The following MGAT5B variants were observed in gnomAD, a reference collection of about 807,000 sequenced individuals.
MGAT5B encodes the protein N-acetylglucosaminyl-transferase Vb.
A neutral mutation model predicts 95.1 loss-of-function variants in MGAT5B; 54 were observed. The observed-to-expected ratio is 0.57, with a 90% CI of 0.46 to 0.71. The LOEUF (loss-of-function observed/expected upper bound fraction) is 0.71, where lower values mean the gene tolerates loss of function less well. Among genes scored for constraint, MGAT5B ranks in the 30% least tolerant of loss-of-function variants. MGAT5B has a pLI of 0.00. For missense variants in MGAT5B, 935 were observed against 1,088.6 expected, an observed-to-expected ratio of 0.86 and a Z score of 1.99; for synonymous variants, 464 against 451.0, an observed-to-expected ratio of 1.03 and a Z score of -0.36.
chr17:76,938,433 A>G lies in MGAT5B; in HGVS notation c.1584+290A>G, dbSNP rs1176241624. Reference sequence around the variant, plus strand: ...GACTGCCCATCCTCCCCCTTGCAGTACCAGTCCAGCCAAATGGACTCCTGG... The same window carrying G: ...GACTGCCCATCCTCCCCCTTGCAGTGCCAGTCCAGCCAAATGGACTCCTGG... On this transcript the variant is annotated intron_variant, in intron 13 of 17. Transcript: ENST00000569840. This position sits in a 1 kb window ranked among gnomAD's most constrained non-coding sequence, Gnocchi z 4.3. 1.3e-5 allele frequency among the ~76,000 whole-genome samples: 2 copies of G among 152,214 alleles called. No individual in the cohort carries two copies. Among genetic ancestry groups the G allele is most frequent in the Admixed American group, 1.3e-4 (2 of 15,282 alleles).
At chr17:76,934,029 C>G (rs1023369204) in intron 12 of MGAT5B, among the ~76,000 whole-genome samples, 2 of 152,204 alleles carry the variant, frequency 1.3e-5, no homozygotes, top group African/African-American at 4.8e-5. Context: ...ATGCCCACTT[C>G]CAGGGGATGC....
At position 76,935,918 on chromosome 17, in the gene MGAT5B, A is replaced by G. The variant is rs1196414638; in HGVS notation, c.1429-2070A>G. On this transcript the variant is annotated intron_variant, in intron 12 of 17. Transcript: ENST00000569840. ...ATTATATATACATTATATATATTAT[A>G]TATTATATAATTATATATACTATAT... is the stretch of plus-strand genomic sequence containing the variant. 2.1e-5 allele frequency among the ~76,000 whole-genome samples: 3 copies of G among 140,574 alleles called. No individual in the cohort carries two copies. In the East Asian group the frequency reaches 5.9e-4, roughly 27 times the overall value. 92.2% of individuals were successfully genotyped at this position (140,574 alleles called of 152,430 possible).
chr17:76,905,380 G>A lies in MGAT5B; in HGVS notation c.855+47G>A. 1 of 1,500,916 alleles carries A rather than the reference G, an allele frequency of 6.7e-7. No individual in the cohort carries two copies. Among genetic ancestry groups the A allele is most frequent in the Non-Finnish European group, 8.9e-7 (1 of 1,118,244 alleles). 93.0% of individuals were successfully genotyped at this position (1,500,916 alleles called of 1,614,324 possible). A position where few individuals can be genotyped will look rare whatever the true frequency, so the allele number is the denominator to read the frequency against. ...ATGTGCAGGAGCTGAGAAAGCTCAG[G>A]GCCCCCACTTCTGAGTGGGCATGGA... On this transcript the variant is annotated intron_variant, in intron 7 of 17. Transcript: ENST00000569840. This position sits in a 1 kb window ranked among gnomAD's most constrained non-coding sequence, Gnocchi z 4.2.
chr17:76,875,864 G>A (rs367590360), intron 2 of MGAT5B, among the ~76,000 whole-genome samples: 4 of 151,816 alleles, frequency 2.6e-5, no homozygotes, highest in East Asian at 1.9e-4. Flanking sequence ...GAGATTCTAC[G>A]TGTTGTAACA....
intron 4 of MGAT5B, 65 bp downstream of exon 4, chr17:76,902,735 G>T: frequency 1.5e-5 from 12 of 821,406 alleles, no homozygotes; most frequent in Non-Finnish European, 2.3e-5. Context: ...TGCTGGGTGG[G>T]CCCTGGGAGG....
intron 3 of MGAT5B, 71 bp downstream of exon 3, chr17:76,882,369 G>A: frequency 6.6e-7 from 1 of 1,503,836 alleles, no homozygotes; most frequent in Non-Finnish European, 8.9e-7. Context: ...CCGGGGTGCT[G>A]TCCGTCATCT....
chr17:76,895,320 T>C (rs1363594467), intron 3 of MGAT5B, among the ~76,000 whole-genome samples: 1 of 152,008 alleles, frequency 6.6e-6, no homozygotes, highest in Non-Finnish European at 1.5e-5. Context: ...AGTTGTATAA[T>C]TATTTCATAA....
chr17:76,902,571 G>T lies in MGAT5B; in HGVS notation c.346G>T (p.Gly116Cys). ...CCCACTTAGGATGCCCCCTGGGGCC[G>T]GCCTCATGGAGCGGATCCAGGCTAT... is the stretch of plus-strand genomic sequence containing the variant. ...FPADRMPPGA[G>C]LMERIQAIAQ... The change falls in exon 4 of 18, where the codon GGC becomes TGC. Residue 116 changes from glycine to cysteine, a missense_variant. Physicochemically the swap from Gly to Cys is radical, Grantham distance 159. Around this residue, in one of 4 missense-constraint regions of MGAT5B, gnomAD observed 243 missense variants for 228.2 expected, o/e 1.06. Coordinates refer to ENST00000569840, the MANE Select transcript of MGAT5B (RefSeq NM_001199172.2). 1 of 1,596,426 alleles carries T rather than the reference G, an allele frequency of 6.3e-7. No individual in the cohort carries two copies. Among genetic ancestry groups the T allele is most frequent in the Non-Finnish European group, 8.5e-7 (1 of 1,170,896 alleles).
chr17:76,933,183 G>A, intron 11 of MGAT5B, 109 bp from the exon 12 acceptor site: 1 of 1,395,302 alleles, frequency 7.2e-7, no homozygotes, highest in South Asian at 1.2e-5. Context: ...CCCATCTTCA[G>A]GGTTGGGGGC....
In MGAT5B at chr17:76,922,412, C is replaced by G. The variant is rs946031093; in HGVS notation, c.1026-2554C>G. Among the ~76,000 whole-genome samples the G allele has an allele frequency of 6.6e-5, 10 of 152,190 alleles. No individual in the cohort carries two copies. The East Asian group carries it at 1.9e-3, about 29-fold the overall frequency. ...GGTTGGGGAGGTGAGGAAGAGGGGA[C>G]TTCTGGAGCCCCAGGGCAAACAAAT... On this transcript the variant is annotated intron_variant, in intron 8 of 17. Coordinates refer to ENST00000569840, the MANE Select transcript of MGAT5B (RefSeq NM_001199172.2).
At chr17:76,939,441 G>A (rs1567824903) in intron 13 of MGAT5B, among the ~76,000 whole-genome samples, 1 of 152,128 alleles carries the variant, frequency 6.6e-6, no homozygotes, top group South Asian at 2.1e-4. Flanking sequence ...TTGAACCCGG[G>A]AGGCAGAGGT....
At chr17:76,943,039 C>CCCACT (rs1969912682) in intron 15 of MGAT5B, among the ~76,000 whole-genome samples, 1 of 151,854 alleles carries the variant, frequency 6.6e-6, no homozygotes, top group Non-Finnish European at 1.5e-5. Flanking sequence ...AACTTGCCCC[C>CCCACT]CCGGGAGGCC....
intron 17 of MGAT5B, among the ~76,000 whole-genome samples, chr17:76,948,380 T>C (rs1014161501): frequency 3.9e-5 from 6 of 152,166 alleles, no homozygotes; most frequent in Admixed American, 3.9e-4. Flanking sequence ...TCCCAGACCA[T>C]GAAAGCTGTC....
intron 4 of MGAT5B, among the ~76,000 whole-genome samples, chr17:76,903,062 C>T (rs2058438845): frequency 6.6e-6 from 1 of 152,156 alleles, no homozygotes; most frequent in African/African-American, 2.4e-5. Context: ...ATGAGGTCTG[C>T]CCATCCAGGC....
rs1182472906 is a variant in MGAT5B at position 76,869,274 on chromosome 17, G to A, written c.68+177G>A. The stretch of plus-strand genomic sequence containing the variant: ...CGGATGGCGTTGGGGTTCGGGGTGC[G>A]GATGGGGAGGGTTGTGTTATTCGGG... On this transcript the variant is annotated intron_variant, in intron 1 of 17. Coordinates refer to ENST00000569840, the MANE Select transcript of MGAT5B (RefSeq NM_001199172.2). This position sits in a 1 kb window ranked among gnomAD's most constrained non-coding sequence, Gnocchi z 7.0. 2.6e-5 allele frequency among the ~76,000 whole-genome samples: 4 copies of A among 152,026 alleles called. No homozygotes were observed. The highest frequency in any genetic ancestry group is 9.7e-5 in the African/African-American group (4 of 41,418).
chr17:76,935,888 ATATAATTAT>A (rs1213849254), intron 12 of MGAT5B, among the ~76,000 whole-genome samples: 2,507 of 54,834 alleles, frequency 0.046, 41 homozygotes, highest in Non-Finnish European at 0.081. Context: ...ATTATATATT[ATATAATTAT>A]ATATACATTA....
chr17:76,934,276 C>T (rs1269895549), intron 12 of MGAT5B, among the ~76,000 whole-genome samples: 2 of 152,136 alleles, frequency 1.3e-5, no homozygotes. Context: ...GTGATCCTGC[C>T]CACTCTATAA....
Position 76,912,709 on chromosome 17 carries a change from A to G in MGAT5B, c.1025+6522A>G, listed in dbSNP as rs1340797644. Among the ~76,000 whole-genome samples the G allele has an allele frequency of 1.3e-5, 2 of 152,064 alleles. No homozygotes were observed. The highest frequency in any genetic ancestry group is 4.8e-5 in the African/African-American group (2 of 41,406). On this transcript the variant is annotated intron_variant, in intron 8 of 17. Transcript: ENST00000569840. This position sits in a 1 kb window ranked among gnomAD's most constrained non-coding sequence, Gnocchi z 5.0. ...ATCTACATCTGGCTTTGCTGCTGCA[A>G]GATGCTTCCGGGGTGAGGGAGGTGG...
chr17:76,892,536 G>A (rs1967911536), intron 3 of MGAT5B, among the ~76,000 whole-genome samples: 1 of 152,248 alleles, frequency 6.6e-6, no homozygotes, highest in Non-Finnish European at 1.5e-5. Context: ...GATCCCCAAG[G>A]CCACCCTGAG....
Sources: allele counts gnomAD v4.1 joint callset (sites outside exome capture counted in the v4.1 genomes callset), GRCh38; gene constraint gnomAD v4.1.1; regional missense constraint gnomAD v4.1.1; non-coding constraint Gnocchi (gnomAD v3.1); transcripts MANE v1.5; gene names NCBI Gene and HGNC (gene_info 2026-07-23, HGNC 2026-07-21).